Variants in ATG7 observed in about 807,000 individuals in gnomAD.
ATG7 encodes the protein ubiquitin-like modifier-activating enzyme ATG7.
A neutral mutation model predicts 82.4 loss-of-function variants in ATG7; 70 were observed. The observed-to-expected ratio is 0.85, with a 90% CI of 0.70 to 1.04. The LOEUF (loss-of-function observed/expected upper bound fraction) is 1.04. Ranked by LOEUF, ATG7 falls within the 50% of genes least tolerant of loss-of-function variation. ATG7 has a pLI of 0.00. For synonymous variants in ATG7, 287 were observed against 313.0 expected (o/e 0.92, Z 0.88); for missense variants, 792 against 864.3 (o/e 0.92, Z 1.05).
At chr3:11,527,132 TCTCA>T in intron 20 of ATG7, among the ~76,000 whole-genome samples, 2 of 150,800 alleles carry the variant, frequency 1.3e-5, no homozygotes, top group Non-Finnish European at 3.0e-5. Context: ...TGAGGTGGAG[TCTCA>T]CTCTGTTGTC....
intron 9 of ATG7, 136 bp downstream of exon 9, chr3:11,315,629 T>TA: frequency 2.5e-6 from 2 of 789,770 alleles, no homozygotes; most frequent in African/African-American, 1.8e-5. Context: ...AACATTTCCT[T>TA]ATCTCTATCC....
chr3:11,347,370 G>C (rs904420248), intron 13 of ATG7, among the ~76,000 whole-genome samples: 1 of 152,132 alleles, frequency 6.6e-6, no homozygotes, highest in Non-Finnish European at 1.5e-5. Context: ...TATTAATAAG[G>C]CTTTGCCTCT....
In ATG7 at chr3:11,329,726, C is replaced by G. The variant is rs150146695; in HGVS notation, c.679-1614C>G. Among the ~76,000 whole-genome samples, 13 of 152,302 alleles carry G rather than the reference C, an allele frequency of 8.5e-5. No individual in the cohort carries two copies. The East Asian group carries it at 2.3e-3, about 27-fold the overall frequency. ...TACAGAGAATTCCCATGTACCTTCA[C>G]CCAGTTTCAGTTTTTTCTAATGTTG... is the stretch of plus-strand genomic sequence containing the variant. On this transcript the variant is annotated intron_variant, in intron 9 of 20. Coordinates refer to ENST00000693202, the MANE Select transcript of ATG7 (RefSeq NM_001349232.2).
At chr3:11,286,626 G>A (rs1268921771) in intron 3 of ATG7, among the ~76,000 whole-genome samples, 2 of 110,886 alleles carry the variant, frequency 1.8e-5, no homozygotes, top group Non-Finnish European at 3.3e-5. Context: ...GGTCTGGCTC[G>A]ATCACCTGGG....
intron 20 of ATG7, among the ~76,000 whole-genome samples, chr3:11,465,661 G>A (rs2086759507): frequency 6.6e-6 from 1 of 151,846 alleles, no homozygotes; most frequent in South Asian, 2.1e-4. Context: ...GCTACTTGGA[G>A]AACTGAGGGG....
At chr3:11,482,796 T>G (rs1020222039) in intron 20 of ATG7, among the ~76,000 whole-genome samples, 3 of 151,956 alleles carry the variant, frequency 2.0e-5, no homozygotes, top group Non-Finnish European at 4.4e-5. Context: ...TTTGTACCTT[T>G]TTTTTTTTGA....
At chr3:11,379,242 A>G (rs941480731) in intron 18 of ATG7, among the ~76,000 whole-genome samples, 1 of 152,184 alleles carries the variant, frequency 6.6e-6, no homozygotes, top group African/African-American at 2.4e-5. Flanking sequence ...AGATGTTACC[A>G]TTCATATTTT....
chr3:11,390,051 G>C (rs1181053927), intron 19 of ATG7, among the ~76,000 whole-genome samples: 1 of 152,224 alleles, frequency 6.6e-6, no homozygotes, highest in African/African-American at 2.4e-5. Flanking sequence ...AGTGGGGATT[G>C]AGGCAAGTGG....
chr3:11,574,783 A>ATGTGTGTGTG, the ATG7 span, among the ~76,000 whole-genome samples: 433 of 111,692 alleles, frequency 3.9e-3, no homozygotes, highest in South Asian at 7.1e-3. Context: ...ATTCAACTAT[A>ATGTGTGTGTG]TATGTGTGTG....
chr3:11,534,045 G>T (rs1024894893), intron 20 of ATG7, among the ~76,000 whole-genome samples: 1 of 152,206 alleles, frequency 6.6e-6, no homozygotes, highest in Non-Finnish European at 1.5e-5. Context: ...TGTCAGAGTT[G>T]GAAAAGTACT....
intron 20 of ATG7, among the ~76,000 whole-genome samples, chr3:11,515,774 C>A (rs956374136): frequency 2.0e-5 from 3 of 152,080 alleles, no homozygotes; most frequent in African/African-American, 7.2e-5. Flanking sequence ...GACCCTTTTC[C>A]TCAAAGAGTG....
chr3:11,526,612 C>A (rs1390905756), intron 20 of ATG7, among the ~76,000 whole-genome samples: 3 of 152,144 alleles, frequency 2.0e-5, no homozygotes, highest in Admixed American at 6.5e-5. Flanking sequence ...GCATTGTTGA[C>A]CTATCTTGTT....
intron 20 of ATG7, among the ~76,000 whole-genome samples, chr3:11,480,219 C>A (rs897816372): frequency 9.9e-5 from 15 of 152,090 alleles, no homozygotes; most frequent in African/African-American, 3.4e-4. Context: ...GCATGAGCCA[C>A]CGCACCCGGC....
At chr3:11,298,966 C>A in intron 4 of ATG7, 111 bp downstream of exon 4, 2 of 1,183,318 alleles carry the variant, frequency 1.7e-6, no homozygotes, top group Non-Finnish European at 2.4e-6. Context: ...ATAATCAGTG[C>A]TCTTCACTAG....
chr3:11,385,879 C>T (rs148378246), intron 19 of ATG7, among the ~76,000 whole-genome samples: 59 of 152,320 alleles, frequency 3.9e-4, no homozygotes, highest in African/African-American at 1.3e-3. Flanking sequence ...TTCTACAAAT[C>T]GTCCTCTTGT....
At chr3:11,505,946 A>T (rs938515388) in intron 20 of ATG7, among the ~76,000 whole-genome samples, 2 of 152,222 alleles carry the variant, frequency 1.3e-5, no homozygotes, top group Non-Finnish European at 2.9e-5. Context: ...AAAGTCACTA[A>T]GCCCCTTTGA....
intron 19 of ATG7, among the ~76,000 whole-genome samples, chr3:11,422,367 C>T (rs2082003491): frequency 6.6e-6 from 1 of 152,362 alleles, no homozygotes; most frequent in African/African-American, 2.4e-5. Flanking sequence ...TGCTTCGCCT[C>T]TCACTTTTAT....
At chr3:11,339,310 A>AAAG (rs1368406215) in intron 11 of ATG7, among the ~76,000 whole-genome samples, 54 of 49,732 alleles carry the variant, frequency 1.1e-3, no homozygotes, top group African/African-American at 2.5e-3. Context: ...AAAAAAAAAA[A>AAAG]AAAGAAAAGA....
chr3:11,349,859 G>T (rs1036223010), intron 14 of ATG7, among the ~76,000 whole-genome samples: 7 of 152,176 alleles, frequency 4.6e-5, no homozygotes, highest in Admixed American at 2.0e-4. Flanking sequence ...TCTGGTTTTT[G>T]AGTTATATCA....
Sources: gnomAD v4.1 joint callset for allele counts (sites outside exome capture counted in the v4.1 genomes callset) on GRCh38, gnomAD v4.1.1 for gene constraint, MANE v1.5 for transcripts, NCBI Gene and HGNC (gene_info 2026-07-23, HGNC 2026-07-21) for gene names.